The following SV2C variants were observed in gnomAD, a reference collection of about 807,000 sequenced individuals.
The protein encoded by SV2C is synaptic vesicle glycoprotein 2C.
SV2C carries 49 observed loss-of-function variants against 79.7 expected under a neutral mutation model. The observed-to-expected ratio is 0.61, with a 90% CI of 0.49 to 0.78. The LOEUF (loss-of-function observed/expected upper bound fraction) is 0.78. SV2C is among the 30% of genes least tolerant of loss of function. The pLI is 0.00. For synonymous variants in SV2C, 334 were observed against 333.2 expected (o/e 1.00, Z -0.03); for missense variants, 833 against 912.9 (o/e 0.91, Z 1.13).
At chr5:76,199,353 C>T (rs1039507579) in intron 3 of SV2C, among the ~76,000 whole-genome samples, 1 of 152,210 alleles carries the variant, frequency 6.6e-6, no homozygotes, top group Non-Finnish European at 1.5e-5. Flanking sequence ...TGCACATAGG[C>T]CCCCGCACTC....
chr5:76,132,433 T>G (rs1748933292), intron 2 of SV2C, 103 bp downstream of exon 2: 1 of 1,182,590 alleles, frequency 8.5e-7, no homozygotes. Flanking sequence ...GTACTGCATT[T>G]TTTCTAACAA....
intron 2 of SV2C, among the ~76,000 whole-genome samples, chr5:76,183,613 C>G (rs1381955911): frequency 6.6e-6 from 1 of 152,016 alleles, no homozygotes; most frequent in Non-Finnish European, 1.5e-5. Flanking sequence ...TTCAGCTGCC[C>G]CAAGGATAAA....
At chr5:76,039,187 A>G in the SV2C span, among the ~76,000 whole-genome samples, 1 of 152,062 alleles carries the variant, frequency 6.6e-6, no homozygotes, top group Non-Finnish European at 1.5e-5. Flanking sequence ...TCTGTCCTTT[A>G]TTTCCTGATC....
chr5:76,012,657 G>A, the SV2C span, among the ~76,000 whole-genome samples: 1 of 152,112 alleles, frequency 6.6e-6, no homozygotes, highest in Non-Finnish European at 1.5e-5. Context: ...CACTTTTGGT[G>A]TTTTAGTCAT....
the SV2C span, among the ~76,000 whole-genome samples, chr5:76,027,300 G>A: frequency 6.6e-6 from 1 of 152,074 alleles, no homozygotes; most frequent in African/African-American, 2.4e-5. Flanking sequence ...GACCTCAGGT[G>A]ATCCACCCGC....
the SV2C span, among the ~76,000 whole-genome samples, chr5:75,947,067 T>G: frequency 1.3e-5 from 2 of 152,122 alleles, no homozygotes; most frequent in African/African-American, 4.8e-5. Flanking sequence ...CTTGGGTTGC[T>G]CTTGGCTTCT....
chr5:76,000,693 A>G, the SV2C span, among the ~76,000 whole-genome samples: 1 of 152,186 alleles, frequency 6.6e-6, no homozygotes, highest in Non-Finnish European at 1.5e-5. Flanking sequence ...GCAGAGAATG[A>G]TACCACATCA....
At chr5:76,285,117 G>A (rs1158453075) in intron 4 of SV2C, 45 bp from the exon 5 acceptor site, 4 of 1,608,230 alleles carry the variant, frequency 2.5e-6, no homozygotes, top group Non-Finnish European at 3.4e-6. Flanking sequence ...CCAGGAGGCT[G>A]TCTGGGAGGA....
At chr5:76,072,296 A>T in the SV2C span, among the ~76,000 whole-genome samples, 1 of 152,214 alleles carries the variant, frequency 6.6e-6, no homozygotes. Context: ...ATTATTCAAA[A>T]TGTGTTTAGC....
At chr5:76,051,279 G>A in the SV2C span, among the ~76,000 whole-genome samples, 1 of 152,130 alleles carries the variant, frequency 6.6e-6, no homozygotes, top group Non-Finnish European at 1.5e-5. Context: ...TTAATGTGTT[G>A]AAATAATAAT....
chr5:76,236,928 C>T (rs1745633843), intron 4 of SV2C, among the ~76,000 whole-genome samples: 1 of 152,178 alleles, frequency 6.6e-6, no homozygotes, highest in Non-Finnish European at 1.5e-5. Context: ...GTTCTCATGA[C>T]AGTGAGTGAG....
chr5:76,021,586 AC>A, the SV2C span, among the ~76,000 whole-genome samples: 2 of 152,340 alleles, frequency 1.3e-5, no homozygotes, highest in African/African-American at 4.8e-5. Context: ...ATATTGGGGA[AC>A]TGAACTTAAT....
the SV2C span, among the ~76,000 whole-genome samples, chr5:75,994,929 G>A: frequency 1.3e-5 from 2 of 152,156 alleles, no homozygotes; most frequent in Admixed American, 6.5e-5. Flanking sequence ...AGAGCCAAGG[G>A]GAATCAATGG....
rs190010062 is a variant in SV2C, at chr5:76,238,169, C to A, written c.913+28282C>A. ...TGGATCCATTTTCTAATATTTTGAT[C>A]TCCTCATTCCTATTATCCATCCCTT... On this transcript the variant is annotated intron_variant, in intron 4 of 12. Coordinates refer to ENST00000502798, the MANE Select transcript of SV2C (RefSeq NM_014979.4). 7.9e-5 allele frequency among the ~76,000 whole-genome samples: 12 copies of A among 152,156 alleles called. No homozygotes were observed. The East Asian group carries it at 2.3e-3, about 29-fold the overall frequency.
intron 12 of SV2C, among the ~76,000 whole-genome samples, chr5:76,303,147 T>C (rs1329369693): frequency 6.6e-6 from 1 of 152,182 alleles, no homozygotes; most frequent in Admixed American, 6.6e-5. Context: ...TCAAATATTC[T>C]AGTTCAGACC....
rs1491018926 is a variant in SV2C at position 76,330,859 on chromosome 5, T to TC, written c.*5312_*5313insC. The TC allele has an allele frequency of 2.7e-5, 3 of 109,904 alleles. No homozygotes were observed. Among genetic ancestry groups the TC allele is most frequent in the Non-Finnish European group, 4.1e-5 (2 of 48,456 alleles). The allele number at this position is 109,904 out of a possible 1,614,324, so 6.8% of individuals were successfully genotyped here. On this transcript the variant is annotated 3_prime_UTR_variant, in exon 13 of 13. Coordinates refer to ENST00000502798, the MANE Select transcript of SV2C (RefSeq NM_014979.4). ...TCTCTAGAGCATTTTTTTTTTTTTTTTGGGCGGGGGGGCGGGGGACGGAGT... is the reference window on the plus strand; with the variant it reads ...TCTCTAGAGCATTTTTTTTTTTTTTTCTGGGCGGGGGGGCGGGGGACGGAGT...
At chr5:75,942,045 T>A in the SV2C span, among the ~76,000 whole-genome samples, 6 of 152,154 alleles carry the variant, frequency 3.9e-5, no homozygotes, top group Non-Finnish European at 7.3e-5. Context: ...ATCCAATGAA[T>A]TCTCTATAAA....
chr5:76,147,103 G>A (rs1175218368), intron 2 of SV2C, among the ~76,000 whole-genome samples: 1 of 152,190 alleles, frequency 6.6e-6, no homozygotes, highest in Non-Finnish European at 1.5e-5. Flanking sequence ...CTATAGGTTT[G>A]TGGTGATGAC....
chr5:75,968,138 A>G, the SV2C span, among the ~76,000 whole-genome samples: 2 of 152,236 alleles, frequency 1.3e-5, no homozygotes, highest in Admixed American at 6.5e-5. Context: ...AAACTAACAA[A>G]CAGGAAGGAC....
Sources: allele counts gnomAD v4.1 joint callset (sites outside exome capture counted in the v4.1 genomes callset), GRCh38; gene constraint gnomAD v4.1.1; transcripts MANE v1.5; gene names NCBI Gene and HGNC (gene_info 2026-07-23, HGNC 2026-07-21).